The following PTPRD variants were observed in gnomAD, a reference collection of about 807,000 sequenced individuals.
The protein encoded by PTPRD is receptor-type tyrosine-protein phosphatase delta.
A neutral mutation model predicts 214.5 loss-of-function variants in PTPRD; 34 were observed. The ratio of observed to expected loss-of-function variants is 0.16; its 90% confidence interval spans 0.12 to 0.21. The LOEUF is 0.21. PTPRD is among the 10% of genes least tolerant of loss of function. The probability of loss-of-function intolerance (pLI) is 1.00; values close to 1 mark genes in which losing one functional copy is unlikely to be tolerated. For synonymous variants in PTPRD, 1,128 were observed against 845.7 expected (o/e 1.33, Z -5.79); for missense variants, 2,545 against 2,398.7 (o/e 1.06, Z -1.27).
intron 33 of PTPRD, 76 bp downstream of exon 33, chr9:8,460,328 ACCTAAGG>A (rs1355925090): frequency 7.3e-6 from 11 of 1,509,348 alleles, no homozygotes; most frequent in Admixed American, 1.8e-5. Flanking sequence ...AAAATCAACC[ACCTAAGG>A]ACAGCAGAAC....
At chr9:8,762,110 G>GTA (rs774604233) in intron 11 of PTPRD, among the ~76,000 whole-genome samples, 9 of 152,054 alleles carry the variant, frequency 5.9e-5, no homozygotes, top group Non-Finnish European at 8.8e-5. Context: ...ATGTGTGTGT[G>GTA]TATATATATA....
At chr9:8,389,548 C>T (rs954574836) in intron 36 of PTPRD, 141 bp from the exon 37 acceptor site, 1 of 573,496 alleles carries the variant, frequency 1.7e-6, no homozygotes, top group Admixed American at 3.5e-5. Context: ...GGGTTTCAAG[C>T]AAGATTAAAA....
intron 34 of PTPRD, 126 bp downstream of exon 34, chr9:8,449,599 T>C (rs550974359): frequency 4.5e-6 from 4 of 881,408 alleles, no homozygotes; most frequent in Non-Finnish European, 6.7e-6. Context: ...TCCATAATAG[T>C]AAAATAAAAG....
intron 9 of PTPRD, among the ~76,000 whole-genome samples, chr9:9,235,558 G>A (rs1040128646): frequency 4.6e-5 from 7 of 152,038 alleles, no homozygotes; most frequent in Admixed American, 4.6e-4. Flanking sequence ...AGCCTTATGA[G>A]GGGTGAGAAA....
At chr9:9,463,761 G>A (rs188468941) in intron 8 of PTPRD, among the ~76,000 whole-genome samples, 3 of 152,140 alleles carry the variant, frequency 2.0e-5, no homozygotes, top group Admixed American at 6.6e-5. Flanking sequence ...TGATAGAGCT[G>A]ATACTTTTCG....
intron 8 of PTPRD, among the ~76,000 whole-genome samples, chr9:9,558,346 C>A (rs1166249526): frequency 6.6e-6 from 1 of 152,178 alleles, no homozygotes; most frequent in Non-Finnish European, 1.5e-5. Context: ...CTGAGTCATG[C>A]AGAATGTAAA....
chr9:10,078,269 T>G (rs1199937527), intron 3 of PTPRD, among the ~76,000 whole-genome samples: 1 of 151,144 alleles, frequency 6.6e-6, no homozygotes, highest in Non-Finnish European at 1.5e-5. Flanking sequence ...TCCCAGCACT[T>G]TGGGAGGCTG....
At chr9:10,222,070 G>A (rs1178228991) in intron 3 of PTPRD, among the ~76,000 whole-genome samples, 1 of 151,998 alleles carries the variant, frequency 6.6e-6, no homozygotes, top group Non-Finnish European at 1.5e-5. Context: ...AATTACCCAT[G>A]ATCACAATGT....
chr9:8,738,338 A>C (rs2091005503), intron 11 of PTPRD, among the ~76,000 whole-genome samples: 1 of 152,108 alleles, frequency 6.6e-6, no homozygotes, highest in African/African-American at 2.4e-5. Flanking sequence ...TATTCAAACC[A>C]ATATGAATGT....
intron 3 of PTPRD, among the ~76,000 whole-genome samples, chr9:10,211,600 T>A (rs2099517247): frequency 6.6e-6 from 1 of 152,124 alleles, no homozygotes; most frequent in South Asian, 2.1e-4. Flanking sequence ...GAGGAACTCG[T>A]TAAAGATACA....
chr9:10,293,604 G>C (rs1468976395), intron 3 of PTPRD, among the ~76,000 whole-genome samples: 1 of 151,902 alleles, frequency 6.6e-6, no homozygotes, highest in Non-Finnish European at 1.5e-5. Flanking sequence ...AAGATAAAAG[G>C]AAGTACTCCA....
intron 14 of PTPRD, among the ~76,000 whole-genome samples, chr9:8,604,100 ACAAT>A (rs934165309): frequency 3.3e-4 from 51 of 152,330 alleles, no homozygotes; most frequent in African/African-American, 1.2e-3. Flanking sequence ...ACATTCATTG[ACAAT>A]CTACTATGTG....
intron 4 of PTPRD, among the ~76,000 whole-genome samples, chr9:10,015,579 C>T (rs1238555025): frequency 6.6e-6 from 1 of 152,056 alleles, no homozygotes; most frequent in Non-Finnish European, 1.5e-5. Context: ...AGGAGTCAAT[C>T]CAAGCCTCAA....
chr9:9,710,786 G>GACAC (rs143354072), intron 7 of PTPRD, among the ~76,000 whole-genome samples: 5 of 150,276 alleles, frequency 3.3e-5, no homozygotes, highest in African/African-American at 1.2e-4. Flanking sequence ...CAACCTGTTG[G>GACAC]ACACACACAC....
chr9:9,300,532 A>G (rs1954869785), intron 9 of PTPRD, among the ~76,000 whole-genome samples: 1 of 151,682 alleles, frequency 6.6e-6, no homozygotes, highest in South Asian at 2.1e-4. Flanking sequence ...TGTAACTCCA[A>G]ATGTGTTGGT....
At chr9:8,940,064 T>A (rs1454171234) in intron 11 of PTPRD, among the ~76,000 whole-genome samples, 1 of 8,218 alleles carries the variant, frequency 1.2e-4, no homozygotes, top group African/African-American at 2.4e-4. Flanking sequence ...CAAATAAGTT[T>A]GGAAAAAAAA....
At chr9:8,704,938 T>TA (rs111320760) in intron 12 of PTPRD, among the ~76,000 whole-genome samples, 5 of 151,580 alleles carry the variant, frequency 3.3e-5, no homozygotes, top group African/African-American at 1.2e-4. Context: ...AAAAAATAAA[T>TA]AAATAAAAAG....
intron 2 of PTPRD, among the ~76,000 whole-genome samples, chr9:10,576,655 A>G (rs537436849): frequency 1.5e-4 from 19 of 130,506 alleles, no homozygotes; most frequent in South Asian, 1.2e-3. Context: ...AACTTAAAAT[A>G]ACCATGTTGA....
chr9:9,441,846 A>G (rs1294521772), intron 8 of PTPRD, among the ~76,000 whole-genome samples: 1 of 152,248 alleles, frequency 6.6e-6, no homozygotes, highest in Non-Finnish European at 1.5e-5. Flanking sequence ...GACAATTGTT[A>G]TAAGTGATAA....
Sources: gnomAD v4.1 joint callset for allele counts (sites outside exome capture counted in the v4.1 genomes callset) on GRCh38, gnomAD v4.1.1 for gene constraint, MANE v1.5 for transcripts, NCBI Gene and HGNC (gene_info 2026-07-23, HGNC 2026-07-21) for gene names.